Variants in KIF20B observed in about 807,000 individuals in gnomAD.
KIF20B encodes the protein kinesin family member 20B.
In KIF20B, 188 loss-of-function variants were observed where a neutral mutation model predicts 232.5. The ratio of observed to expected loss-of-function variants is 0.81; its 90% confidence interval spans 0.72 to 0.91. The LOEUF is 0.91. KIF20B is among the 40% of genes least tolerant of loss of function. KIF20B has a pLI of 0.00. For missense variants in KIF20B, 2,154 were observed against 2,055.9 expected, an observed-to-expected ratio of 1.05 and a Z score of -0.92; for synonymous variants, 712 against 683.0, an observed-to-expected ratio of 1.04 and a Z score of -0.66.
rs1332545576 is a variant in KIF20B, at chr10:89,709,183, C to G, written c.164C>G (p.Ser55Cys). The G allele has an allele frequency of 1.2e-6, 2 of 1,606,590 alleles. No homozygotes were observed. Among genetic ancestry groups the G allele is most frequent in the Non-Finnish European group, 1.7e-6 (2 of 1,175,066 alleles). The stretch of plus-strand genomic sequence containing the variant: ...TTTTTTAAGGCAAACAGTTTCGAAT[C>G]TAAAGATTATCTCCAGGTTTGTCTT... ...APNTEANSFE[S>C]KDYLQVCLRI... is the part of the protein sequence containing the mutation. Residue 55 changes from serine to cysteine, a missense_variant, in exon 3 of 33, where the codon TCT becomes TGT. Ser to Cys is a moderately radical substitution (Grantham distance 112). Transcript: ENST00000371728.
chr10:89,708,357 A>G (rs1842769446), intron 2 of KIF20B, among the ~76,000 whole-genome samples: 1 of 152,048 alleles, frequency 6.6e-6, no homozygotes. Context: ...GATTACAGGC[A>G]TGCACCACCA....
intron 5 of KIF20B, 108 bp downstream of exon 5, chr10:89,710,173 T>A: frequency 9.7e-7 from 1 of 1,028,072 alleles, no homozygotes. Context: ...AGTATGCGTT[T>A]GCTCTATTTT....
intron 21 of KIF20B, among the ~76,000 whole-genome samples, chr10:89,741,217 T>C (rs748969921): frequency 9.9e-5 from 15 of 152,158 alleles, no homozygotes; most frequent in Admixed American, 1.3e-4. Context: ...GAGTTCACAA[T>C]AGGGTTTGCA....
intron 31 of KIF20B, among the ~76,000 whole-genome samples, chr10:89,771,759 C>G (rs1256059998): frequency 6.6e-6 from 1 of 152,004 alleles, no homozygotes; most frequent in Non-Finnish European, 1.5e-5. Context: ...CTGCGAGAGC[C>G]TTTTGTTTGG....
intron 26 of KIF20B, among the ~76,000 whole-genome samples, chr10:89,757,404 A>G (rs61481124): frequency 0.31 from 46,909 of 151,520 alleles, 8,167 homozygotes; most frequent in African/African-American, 0.46. Context: ...ATGTGTTGCA[A>G]GTACCTTCTT....
intron 32 of KIF20B, 65 bp downstream of exon 32, chr10:89,772,896 G>A (rs900409113): frequency 1.4e-6 from 2 of 1,383,468 alleles, no homozygotes; most frequent in Non-Finnish European, 1.9e-6. Flanking sequence ...TTTTTACAGT[G>A]GTTTGAATTT....
intron 13 of KIF20B, among the ~76,000 whole-genome samples, chr10:89,721,984 T>G (rs1843069257): frequency 6.6e-6 from 1 of 152,190 alleles, no homozygotes. Flanking sequence ...TAGTTATGGC[T>G]CACTGCAGCT....
chr10:89,736,449 G>A (rs1412342241), intron 19 of KIF20B, among the ~76,000 whole-genome samples: 1 of 152,124 alleles, frequency 6.6e-6, no homozygotes, highest in Non-Finnish European at 1.5e-5. Context: ...TTAAATTGTA[G>A]CTAATAGTGT....
rs189068844 is a variant in KIF20B, at chr10:89,747,685, A to G, written c.4096+1726A>G. ...CTCACTCGTAGGTGGGAATTGAACA[A>G]TGAGAGCACATGGACACAGGAAGGG... On this transcript the variant is annotated intron_variant, in intron 23 of 32. Transcript: ENST00000371728. 7.6e-3 allele frequency among the ~76,000 whole-genome samples: 1,145 copies of G among 151,216 alleles called. 10 individuals are homozygous for G. Among genetic ancestry groups the G allele is most frequent in the Non-Finnish European group, 0.011 (738 of 67,792 alleles).
At chr10:89,719,866 C>G (rs958067552) in intron 13 of KIF20B, among the ~76,000 whole-genome samples, 160 bp downstream of exon 13, 2 of 152,026 alleles carry the variant, frequency 1.3e-5, no homozygotes, top group South Asian at 4.1e-4. Flanking sequence ...AAGACTAGTA[C>G]AATGAATACT....
chr10:89,710,117 C>G lies in KIF20B; in HGVS notation c.490+52C>G, dbSNP rs532340876. 100 of 1,504,654 alleles carry G rather than the reference C, an allele frequency of 6.6e-5. 1 individual carries two copies. The South Asian group carries it at 1.2e-3, about 18-fold the overall frequency. 93.2% of individuals were successfully genotyped at this position (1,504,654 alleles called of 1,614,324 possible). A position where few individuals can be genotyped will look rare whatever the true frequency, so the allele number is the denominator to read the frequency against. ...AAGGATAAGGAAGCAATAATAATCA[C>G]TCAGTGTTTTTATAATACATACATG... On this transcript the variant is annotated intron_variant, in intron 5 of 32. Transcript: ENST00000371728.
At chr10:89,724,889 A>G (rs1589859633) in intron 14 of KIF20B, 131 bp from the exon 15 acceptor site, 1 of 808,872 alleles carries the variant, frequency 1.2e-6, no homozygotes. Flanking sequence ...TGCTGGGATT[A>G]CAGGCGTGAA....
chr10:89,733,414 T>A (rs1175459387), intron 19 of KIF20B, among the ~76,000 whole-genome samples: 2 of 152,176 alleles, frequency 1.3e-5, no homozygotes, highest in Non-Finnish European at 2.9e-5. Flanking sequence ...TTTATTCATT[T>A]GGAGAAAAGG....
Position 89,726,310 on chromosome 10 carries a change from A to T in KIF20B, c.2019A>T (p.Val673=). Reference sequence around the variant, plus strand: ...ATTTTTAGGAAACACATAATTATGTAGGATTTGAAGATATTATTGATTCTC... The same window carrying T: ...ATTTTTAGGAAACACATAATTATGTTGGATTTGAAGATATTATTGATTCTC... The part of the protein sequence containing the change: ...KVETEETHNY[V]GFEDIIDSLQ... The change falls in exon 16 of 33, where the codon GTA becomes GTT. Residue 673 remains valine (V), a synonymous_variant. Coordinates refer to ENST00000371728, the MANE Select transcript of KIF20B (RefSeq NM_001284259.2). 1 of 1,547,390 alleles carries T rather than the reference A, an allele frequency of 6.5e-7. No individual in the cohort carries two copies. The highest frequency in any genetic ancestry group is 8.7e-7 in the Non-Finnish European group (1 of 1,145,566).
At position 89,719,501 on chromosome 10, in the gene KIF20B, G is replaced by C. The variant is rs775671805; in HGVS notation, c.1517G>C (p.Ser506Thr). 2.5e-6 allele frequency: 4 copies of C among 1,609,208 alleles called. No homozygotes were observed. The Admixed American group carries it at 5.0e-5, about 20-fold the overall frequency. Residue 506 changes from serine (S) to threonine (T), a missense_variant, in exon 13 of 33, where the codon AGT becomes ACT. Ser to Thr is a moderately conservative substitution (Grantham distance 58). Transcript: ENST00000371728. ...TCTTCTCAAGATGTATCACTAGACA[G>C]TAATTCAAACAGTAAAATATTAAAT... ...VKSSQDVSLD[S>T]NSNSKILNVK...
chr10:89,752,579 G>A lies in KIF20B; in HGVS notation c.4235G>A (p.Trp1412Ter), dbSNP rs1423940708. ...VERLATELEK[W>*]KEKCNDLETK... The stretch of plus-strand genomic sequence containing the variant: ...GTCTTCAAATCAGAATTGGAAAAAT[G>A]GAAGGAAAAATGCAATGATTTGGAA... Residue 1412 changes from tryptophan (W) to a stop codon, truncating the protein, a stop_gained, in exon 25 of 33, where the codon TGG becomes TAG. Transcript: ENST00000371728. LOFTEE classifies it high-confidence loss of function. 3 of 1,598,862 alleles carry A rather than the reference G, an allele frequency of 1.9e-6. No homozygotes were observed. Among genetic ancestry groups the A allele is most frequent in the Admixed American group, 1.7e-5 (1 of 57,940 alleles).
chr10:89,762,287 C>T (rs1001731538), intron 28 of KIF20B, among the ~76,000 whole-genome samples: 1 of 152,230 alleles, frequency 6.6e-6, no homozygotes, highest in Non-Finnish European at 1.5e-5. Flanking sequence ...TTGCAGCCTA[C>T]TTCTTTAATA....
chr10:89,730,651 G>T (rs1265295876), intron 18 of KIF20B, among the ~76,000 whole-genome samples: 1 of 152,134 alleles, frequency 6.6e-6, no homozygotes, highest in Admixed American at 6.5e-5. Flanking sequence ...ATGGAAATGA[G>T]AAATCTTTCA....
chr10:89,724,500 G>T (rs1403954563), intron 14 of KIF20B, among the ~76,000 whole-genome samples: 1 of 152,152 alleles, frequency 6.6e-6, no homozygotes, highest in Non-Finnish European at 1.5e-5. Context: ...CTGCACTCCA[G>T]CCTGGGCGAC....
Sources: gnomAD v4.1 joint callset for allele counts (sites outside exome capture counted in the v4.1 genomes callset) on GRCh38, gnomAD v4.1.1 for gene constraint, MANE v1.5 for transcripts, NCBI Gene and HGNC (gene_info 2026-07-23, HGNC 2026-07-21) for gene names.